Variants in C11orf71 observed in about 807,000 individuals in gnomAD.
The protein encoded by C11orf71 is chromosome 11 open reading frame 71.
For missense variants in C11orf71, 179 were observed against 167.6 expected (o/e 1.07, Z -0.38); for synonymous variants, 72 against 73.4 (o/e 0.98, Z 0.09).
chr11:114,394,196 T>TTCTTTTCTTTTCTTC (rs1320181395), downstream of C11orf71, among the ~76,000 whole-genome samples: 4 of 42,324 alleles, frequency 9.5e-5, no homozygotes, highest in East Asian at 2.1e-3. Flanking sequence ...TTCTTTTCTT[T>TTCTTTTCTTTTCTTC]TCTTTTCTTT....
chr11:114,394,282 C>CTTTTCTCTTA (rs1221918709), downstream of C11orf71, among the ~76,000 whole-genome samples: 5 of 68,770 alleles, frequency 7.3e-5, no homozygotes, highest in East Asian at 9.9e-4. Flanking sequence ...CTTTTCTTTT[C>CTTTTCTCTTA]TTTTCTCTTA....
At chr11:114,391,482 A>G in exon 2 of C11orf71, 1 of 711,430 alleles carries the variant, frequency 1.4e-6, no homozygotes, top group Non-Finnish European at 2.0e-6. Context: ...TTTCATTCAT[A>G]TAGGTAAGAT....
intron 1 of C11orf71, among the ~76,000 whole-genome samples, chr11:114,391,846 A>C (rs2135336246): frequency 6.6e-6 from 1 of 152,346 alleles, no homozygotes; most frequent in South Asian, 2.1e-4. Context: ...GTTGTTTTAA[A>C]ACATGTAAAA....
exon 2 of C11orf71, chr11:114,391,529 TTAAA>T (rs766255361): frequency 8.1e-6 from 10 of 1,233,522 alleles, no homozygotes; most frequent in Middle Eastern, 5.3e-4. Context: ...AATTTTTATC[TTAAA>T]TAATATAAAT....
chr11:114,400,000 A>G lies in C11orf71; in HGVS notation c.332T>C (p.Ile111Thr), dbSNP rs773954348. Reference protein sequence around the residue: ...LLRSVLQQRLIALGGVIAARI... With the variant: ...LLRSVLQQRLTALGGVIAARI... The stretch of plus-strand genomic sequence containing the variant: ...AGCTGCGATAACACCTCCTAATGCA[A>G]TCAAACGCTGTTGCAGCACACTTCT... The change falls in exon 1 of 1, where the codon ATT becomes ACT. Residue 111 changes from isoleucine to threonine, a missense_variant. Ile to Thr is a moderately conservative substitution (Grantham distance 89). Coordinates refer to ENST00000623205, the MANE Select transcript of C11orf71 (RefSeq NM_001271562.2). The G allele has an allele frequency of 1.2e-6, 2 of 1,612,848 alleles. No homozygotes were observed. Among genetic ancestry groups the G allele is most frequent in the Non-Finnish European group, 1.7e-6 (2 of 1,178,906 alleles).
At chr11:114,394,738 T>C (rs1459536655), downstream of C11orf71, among the ~76,000 whole-genome samples, 1 of 152,020 alleles carries the variant, frequency 6.6e-6, no homozygotes, top group Non-Finnish European at 1.5e-5. Flanking sequence ...CCATCATCTA[T>C]TTTGGGCATA....
chr11:114,395,052 C>T (rs1030593134), downstream of C11orf71, among the ~76,000 whole-genome samples: 2 of 151,666 alleles, frequency 1.3e-5, no homozygotes, highest in African/African-American at 4.9e-5. Flanking sequence ...GAAGGTTATT[C>T]ATTCATTCAA....
downstream of C11orf71, among the ~76,000 whole-genome samples, chr11:114,394,294 T>TCTGTTCTGTTCTC (rs1449247620): frequency 7.2e-5 from 3 of 41,774 alleles, no homozygotes; most frequent in African/African-American, 4.6e-4. Flanking sequence ...TTTCTCTTAT[T>TCTGTTCTGTTCTC]TTCTTTTCTT....
chr11:114,396,244 A>C (rs1946130050), downstream of C11orf71, among the ~76,000 whole-genome samples: 1 of 152,260 alleles, frequency 6.6e-6, no homozygotes, highest in East Asian at 1.9e-4. Context: ...TTTATGGACA[A>C]ATAAATTTGT....
At position 114,400,470 on chromosome 11, in the gene C11orf71, A is replaced by G; in HGVS notation, c.-139T>C. On this transcript the variant is annotated 5_prime_UTR_variant, in exon 1 of 1. Transcript: ENST00000623205. ...CCATAACTGAGCCTGCGGAAGAGCC[A>G]GAAGCCGCCTTGCCTTTAACGAGGG... The G allele has an allele frequency of 3.0e-6, 4 of 1,315,902 alleles. No individual in the cohort carries two copies. Among genetic ancestry groups the G allele is most frequent in the Non-Finnish European group, 4.1e-6 (4 of 976,266 alleles). The allele number at this position is 1,315,902 out of a possible 1,614,324, so 81.5% of individuals were successfully genotyped here. A position where few individuals can be genotyped will look rare whatever the true frequency, so the allele number is the denominator to read the frequency against.
rs1946151134 is a variant in C11orf71, at chr11:114,398,984, A to G, written c.*976T>C. 6.6e-6 allele frequency: 1 copy of G among 152,108 alleles called. No homozygotes were observed. The highest frequency in any genetic ancestry group is 2.1e-4 in the South Asian group (1 of 4,822). 9.4% of individuals were successfully genotyped at this position (152,108 alleles called of 1,614,324 possible). A position where few individuals can be genotyped will look rare whatever the true frequency, so the allele number is the denominator to read the frequency against. ...TTGGGAAATGTATGGTTAAGAGAAC[A>G]AAAATAACAGCAAATAAGGAGTGAT... On this transcript the variant is annotated 3_prime_UTR_variant, in exon 1 of 1. Transcript: ENST00000623205.
chr11:114,396,126 A>T (rs1051123996), downstream of C11orf71, among the ~76,000 whole-genome samples: 1 of 152,224 alleles, frequency 6.6e-6, no homozygotes, highest in Admixed American at 6.5e-5. Context: ...TACCTGAAAA[A>T]TTGGATCCAT....
At chr11:114,393,438 G>A (rs1946088306) in intron 1 of C11orf71, among the ~76,000 whole-genome samples, 1 of 152,168 alleles carries the variant, frequency 6.6e-6, no homozygotes, top group South Asian at 2.1e-4. Flanking sequence ...GTAATGACAG[G>A]CTAAAAGGCA....
chr11:114,394,262 C>CTTTTCTTTTCTTTTCTT (rs1565256667), downstream of C11orf71, among the ~76,000 whole-genome samples: 50 of 65,164 alleles, frequency 7.7e-4, 2 homozygotes, highest in Admixed American at 5.7e-3. Flanking sequence ...CTTTTCTTTT[C>CTTTTCTTTTCTTTTCTT]TTTTCTTTTC....
chr11:114,399,754 A>T lies in C11orf71; in HGVS notation c.*206T>A, dbSNP rs1047831684. On this transcript the variant is annotated 3_prime_UTR_variant, in exon 1 of 1. Coordinates refer to ENST00000623205, the MANE Select transcript of C11orf71 (RefSeq NM_001271562.2). ...GAATATCCCTTCCACACCTTTCCTG[A>T]TCCAATCGTTCTGGCTGCATAAAAC... 169 of 770,898 alleles carry T rather than the reference A, an allele frequency of 2.2e-4. No homozygotes were observed. In the East Asian group the frequency reaches 2.9e-3, roughly 13 times the overall value. The allele number at this position is 770,898 out of a possible 1,614,324, so 47.8% of individuals were successfully genotyped here. A position where few individuals can be genotyped will look rare whatever the true frequency, so the allele number is the denominator to read the frequency against.
At chr11:114,395,950 G>A (rs1946128006), downstream of C11orf71, among the ~76,000 whole-genome samples, 1 of 152,216 alleles carries the variant, frequency 6.6e-6, no homozygotes, top group Non-Finnish European at 1.5e-5. Context: ...AGGCTGGAGT[G>A]CAGTGGTGTG....
chr11:114,394,326 A>C (rs1323787221), downstream of C11orf71, among the ~76,000 whole-genome samples: 3 of 87,580 alleles, frequency 3.4e-5, no homozygotes, highest in South Asian at 3.8e-4. Context: ...ACGGAGTCGC[A>C]CTCTGTTGCC....
downstream of C11orf71, among the ~76,000 whole-genome samples, chr11:114,396,504 A>ATT (rs1352230720): frequency 6.6e-6 from 1 of 152,240 alleles, no homozygotes; most frequent in Non-Finnish European, 1.5e-5. Context: ...GGCTACACAC[A>ATT]TTTAGGATGA....
chr11:114,399,062 A>G lies in C11orf71; in HGVS notation c.*898T>C, dbSNP rs1946153129. ...GTGCAGTATTATGATGAAAAAAAAA[A>G]AAAAAAAGTCACTGCAACCAGTACT... On this transcript the variant is annotated 3_prime_UTR_variant, in exon 1 of 1. Transcript: ENST00000623205. 1 of 152,052 alleles carries G rather than the reference A, an allele frequency of 6.6e-6. No individual in the cohort carries two copies. The highest frequency in any genetic ancestry group is 2.4e-5 in the African/African-American group (1 of 41,416). The allele number at this position is 152,052 out of a possible 1,614,324, so 9.4% of individuals were successfully genotyped here. A position where few individuals can be genotyped will look rare whatever the true frequency, so the allele number is the denominator to read the frequency against.
Sources: gnomAD v4.1 joint callset for allele counts (sites outside exome capture counted in the v4.1 genomes callset) on GRCh38, gnomAD v4.1.1 for gene constraint, MANE v1.5 for transcripts, NCBI Gene and HGNC (gene_info 2026-07-23, HGNC 2026-07-21) for gene names.